Variants in BRME1 observed in about 807,000 individuals in gnomAD.
BRME1 encodes the protein break repair meiotic recombinase recruitment factor 1.
A neutral mutation model predicts 52.6 loss-of-function variants in BRME1; 31 were observed. The ratio of observed to expected loss-of-function variants is 0.59; its 90% CI spans 0.44 to 0.80. BRME1 has a LOEUF of 0.80. BRME1 is among the 30% of genes least tolerant of loss of function. The pLI, the probability that BRME1 is intolerant of heterozygous loss-of-function variation, is 0.00. For missense variants in BRME1, 804 were observed against 860.3 expected, an observed-to-expected ratio of 0.93 and a Z score of 0.82; for synonymous variants, 359 against 353.6, an observed-to-expected ratio of 1.02 and a Z score of -0.17.
Position 13,889,971 on chromosome 19 carries a change from G to A in BRME1, c.885C>T (p.Ala295=). 6.2e-7 allele frequency: 1 copy of A among 1,612,738 alleles called. No individual in the cohort carries two copies. The highest frequency in any genetic ancestry group is 8.5e-7 in the Non-Finnish European group (1 of 1,179,964). The stretch of plus-strand genomic sequence containing the variant: ...CAGACCCGGGTTCCAGGCACCAAGA[G>A]GCAGGGCCCAGTCCTGGAGCAGGGC... ...TSGPAPGLGP[A]SWCLEPGSVA... The change falls in exon 6 of 9, where the codon GCC becomes GCT. Residue 295 remains alanine (A), a synonymous_variant. Coordinates refer to ENST00000586783, the MANE Select transcript of BRME1 (RefSeq NM_001345843.2).
chr19:13,882,978 G>C, intron 8 of BRME1, 26 bp from the exon 9 acceptor site: 1 of 1,601,468 alleles, frequency 6.2e-7, no homozygotes, highest in Non-Finnish European at 8.5e-7. Flanking sequence ...AGGCATGCGT[G>C]TGGGGCTCAG....
chr19:13,902,644 A>G (rs1970377334), intron 2 of BRME1, among the ~76,000 whole-genome samples: 1 of 150,654 alleles, frequency 6.6e-6, no homozygotes, highest in Non-Finnish European at 1.5e-5. Context: ...AAAACAAAAA[A>G]GTCTGGGCTG....
At chr19:13,901,769 G>A (rs960997491) in intron 2 of BRME1, among the ~76,000 whole-genome samples, 6 of 152,100 alleles carry the variant, frequency 3.9e-5, no homozygotes, top group African/African-American at 1.4e-4. Context: ...CAGGCATGGT[G>A]GCTCATGCCT....
At chr19:13,900,057 T>C (rs1388955383) in intron 2 of BRME1, among the ~76,000 whole-genome samples, 1 of 152,200 alleles carries the variant, frequency 6.6e-6, no homozygotes, top group Non-Finnish European at 1.5e-5. Context: ...CTGCTTTGTT[T>C]ATTTGGTTTC....
intron 2 of BRME1, among the ~76,000 whole-genome samples, chr19:13,896,650 G>A (rs9749328): frequency 0.024 from 3,421 of 144,720 alleles, 55 homozygotes; most frequent in Middle Eastern, 0.032. Flanking sequence ...TTATACATAC[G>A]TATTTACATA....
rs1307822298 is a variant in BRME1, at chr19:13,893,237, G to C, written c.207-14C>G. 1.3e-6 allele frequency: 2 copies of C among 1,567,722 alleles called. No homozygotes were observed. The highest frequency in any genetic ancestry group is 1.7e-6 in the Non-Finnish European group (2 of 1,156,468). The stretch of plus-strand genomic sequence containing the variant: ...TCATCAGGGGAGCTATGTAGGAAAA[G>C]ATAAAACTGAAGGAGATCTGCCCGG... On this transcript the variant is annotated splice_polypyrimidine_tract_variant and intron_variant, in intron 3 of 8. Coordinates refer to ENST00000586783, the MANE Select transcript of BRME1 (RefSeq NM_001345843.2).
rs1161668330 is a variant in BRME1 at position 13,889,256 on chromosome 19, C to T, written c.1600G>A (p.Asp534Asn). The stretch of plus-strand genomic sequence containing the variant: ...TGTATCTGGCTGTCCAGCAGGAAGT[C>T]GAGTTCCACAGCTAAAGAGTCTGCC... ...TWADSLAVEL[D>N]FLLDSQIQDA... The change falls in exon 6 of 9, where the codon GAC becomes AAC. Residue 534 changes from aspartate to asparagine, a missense_variant. Asp to Asn is a conservative substitution (Grantham distance 23, BLOSUM62 1). Coordinates refer to ENST00000586783, the MANE Select transcript of BRME1 (RefSeq NM_001345843.2). 2.5e-6 allele frequency: 4 copies of T among 1,613,608 alleles called. No homozygotes were observed. The highest frequency in any genetic ancestry group is 2.5e-6 in the Non-Finnish European group (3 of 1,179,862).
At chr19:13,892,500 T>C (rs1969574976) in intron 5 of BRME1, among the ~76,000 whole-genome samples, 2 of 151,990 alleles carry the variant, frequency 1.3e-5, no homozygotes, top group Admixed American at 1.3e-4. Flanking sequence ...GGCGGGAGAA[T>C]TGCTTGAACC....
chr19:13,886,188 TC>T lies in BRME1; in HGVS notation c.1669-134del, dbSNP rs1333002915. On this transcript the variant is annotated intron_variant, in intron 6 of 8. Coordinates refer to ENST00000586783, the MANE Select transcript of BRME1 (RefSeq NM_001345843.2). ...AGGTCACATCGGGGCTGGCTGGGAC[TC>T]CTGCAGAGGAAGAGCGGTAACGGGG... 7.5e-6 allele frequency: 5 copies of T among 671,008 alleles called. No homozygotes were observed. In the African/African-American group the frequency reaches 9.0e-5, roughly 12 times the overall value. 41.6% of individuals were successfully genotyped at this position (671,008 alleles called of 1,614,324 possible). A position where few individuals can be genotyped will look rare whatever the true frequency, so the allele number is the denominator to read the frequency against.
chr19:13,886,951 GAGCA>G (rs1250035985), intron 6 of BRME1, among the ~76,000 whole-genome samples: 1 of 152,186 alleles, frequency 6.6e-6, no homozygotes, highest in Non-Finnish European at 1.5e-5. Context: ...CTGGGCGACA[GAGCA>G]AGGCCCTGTC....
chr19:13,895,904 C>G (rs1969854966), intron 2 of BRME1, among the ~76,000 whole-genome samples: 1 of 152,214 alleles, frequency 6.6e-6, no homozygotes, highest in South Asian at 2.1e-4. Flanking sequence ...CATTTCTGCA[C>G]TAACTTCCCC....
chr19:13,895,381 G>A lies in BRME1; in HGVS notation c.197C>T (p.Ala66Val), dbSNP rs145142690. ...TQQHGEEPGK[A>V]VSSSPDEETG... Reference sequence around the variant, plus strand: ...GTTCAGAGCCACCTACCTGGAGACGGCCTTTCCTGGTTCCTCCCCGTGCTG... The same window carrying A: ...GTTCAGAGCCACCTACCTGGAGACGACCTTTCCTGGTTCCTCCCCGTGCTG... The change falls in exon 3 of 9, where the codon GCC becomes GTC. Residue 66 changes from alanine (A) to valine (V), a missense_variant. Around this residue, in one of 3 missense-constraint regions of BRME1, gnomAD observed 234 missense variants for 258.1 expected, o/e 0.91. Coordinates refer to ENST00000586783, the MANE Select transcript of BRME1 (RefSeq NM_001345843.2). 6 of 1,612,914 alleles carry A rather than the reference G, an allele frequency of 3.7e-6. No homozygotes were observed. In the African/African-American group the frequency reaches 4.0e-5, roughly 11 times the overall value.
chr19:13,904,639 A>T (rs997128570), intron 2 of BRME1, among the ~76,000 whole-genome samples: 1 of 148,302 alleles, frequency 6.7e-6, no homozygotes, highest in Admixed American at 6.8e-5. Flanking sequence ...ACGGGGTTTC[A>T]CCATGTTGGT....
chr19:13,887,164 G>C (rs116445159), intron 6 of BRME1, among the ~76,000 whole-genome samples: 1 of 152,234 alleles, frequency 6.6e-6, no homozygotes, highest in African/African-American at 2.4e-5. Flanking sequence ...AGTGAGGTCA[G>C]GAGGAGGTGC....
intron 2 of BRME1, among the ~76,000 whole-genome samples, chr19:13,903,203 A>G (rs1970415312): frequency 6.6e-6 from 1 of 152,184 alleles, no homozygotes; most frequent in Non-Finnish European, 1.5e-5. Flanking sequence ...TGGGTGCTTT[A>G]CAGATACTAA....
Position 13,890,311 on chromosome 19 carries a change from G to A in BRME1, c.545C>T (p.Ala182Val), listed in dbSNP as rs765935675. The change falls in exon 6 of 9, where the codon GCG becomes GTG. Residue 182 changes from alanine (A) to valine (V), a missense_variant. Physicochemically the swap from Ala to Val is moderately conservative, Grantham distance 64. This residue lies in a region of BRME1 where 234 missense variants were observed against 258.1 expected (regional missense o/e 0.91). Transcript: ENST00000586783. ...CTGAGAATCCCCACTGCCGGGCACC[G>A]CCTGCACAGGGCTCTGGCTGCTCTG... is the stretch of plus-strand genomic sequence containing the variant. ...PEQSSQSPVQAVPGSGDSQPD... is the reference protein window; with the variant it reads ...PEQSSQSPVQVVPGSGDSQPD... 133 of 1,606,628 alleles carry A rather than the reference G, an allele frequency of 8.3e-5. No individual in the cohort carries two copies. The highest frequency in any genetic ancestry group is 1.0e-4 in the Non-Finnish European group (122 of 1,176,416).
chr19:13,889,605 G>A lies in BRME1; in HGVS notation c.1251C>T (p.Ala417=). The stretch of plus-strand genomic sequence containing the variant: ...CGCTCCCAGGTGCCAGAGCCAGGGA[G>A]GCTGTAGGGCCCACTAGGACATCGC... The part of the protein sequence containing the change: ...PPGDVLVGPT[A]SLALAPGSGE... The change falls in exon 6 of 9, where the codon GCC becomes GCT. Residue 417 remains alanine, a synonymous_variant. Coordinates refer to ENST00000586783, the MANE Select transcript of BRME1 (RefSeq NM_001345843.2). 1.2e-6 allele frequency: 2 copies of A among 1,610,690 alleles called. No homozygotes were observed. The highest frequency in any genetic ancestry group is 1.7e-6 in the Non-Finnish European group (2 of 1,178,260).
chr19:13,891,190 C>T (rs1969476531), intron 5 of BRME1, among the ~76,000 whole-genome samples: 2 of 144,332 alleles, frequency 1.4e-5, no homozygotes, highest in Admixed American at 1.4e-4. Context: ...ACTCTTGTTG[C>T]CCAGGCTGGA....
intron 7 of BRME1, chr19:13,885,012 G>A (rs577378299): frequency 2.0e-5 from 3 of 152,398 alleles, no homozygotes; most frequent in Non-Finnish European, 2.9e-5. Flanking sequence ...GAACCCTCCC[G>A]GCTCTTCACT....
Sources: allele counts gnomAD v4.1 joint callset (sites outside exome capture counted in the v4.1 genomes callset), GRCh38; gene constraint gnomAD v4.1.1; regional missense constraint gnomAD v4.1.1; transcripts MANE v1.5; gene names NCBI Gene and HGNC (gene_info 2026-07-23, HGNC 2026-07-21).